TRAF5: variants seen among roughly 807,000 people sequenced by gnomAD.
TRAF5 encodes TNF receptor associated factor 5, also known as TNF receptor-associated factor 5.
Under a neutral mutation model 64.5 loss-of-function variants are expected in TRAF5, and 48 were observed. That is an observed-to-expected ratio of 0.74 (90% CI 0.59 to 0.95). The LOEUF (loss-of-function observed/expected upper bound fraction) is 0.95, where lower values mean the gene tolerates loss of function less well. TRAF5 is among the 40% of genes least tolerant of loss of function. TRAF5 has a pLI of 0.00. For synonymous variants in TRAF5, 206 were observed against 240.5 expected, an observed-to-expected ratio of 0.86 and a Z score of 1.33; for missense variants, 545 against 662.8, an observed-to-expected ratio of 0.82 and a Z score of 1.95.
intron 1 of TRAF5, among the ~76,000 whole-genome samples, chr1:211,333,618 C>T (rs1038390308): frequency 9.2e-5 from 14 of 152,192 alleles, no homozygotes; most frequent in African/African-American, 3.4e-4. Flanking sequence ...TCACCTCAGC[C>T]CCCCGAGTAG....
chr1:211,344,118 T>C (rs1270753222), intron 1 of TRAF5, among the ~76,000 whole-genome samples: 6 of 152,170 alleles, frequency 3.9e-5, no homozygotes, highest in Non-Finnish European at 7.4e-5. Flanking sequence ...AAGGCATCTC[T>C]GTAAGTGGGA....
Position 211,372,594 on chromosome 1 carries a change from C to T in TRAF5, c.1566C>T (p.Pro522=). The change falls in exon 11 of 11, where the codon CCC becomes CCT. Residue 522 remains proline, a synonymous_variant. Transcript: ENST00000261464. ...DGEMNIASGC[P]RFVAHSVLEN... The stretch of plus-strand genomic sequence containing the variant: ...AGATGAACATTGCATCTGGCTGTCC[C>T]CGCTTTGTGGCTCATTCTGTTTTGG... 2 of 1,614,164 alleles carry T rather than the reference C, an allele frequency of 1.2e-6. No individual in the cohort carries two copies. Among genetic ancestry groups the T allele is most frequent in the African/African-American group, 1.3e-5 (1 of 75,032 alleles).
Position 211,372,821 on chromosome 1 carries a change from T to A in TRAF5, c.*119T>A. On this transcript the variant is annotated 3_prime_UTR_variant, in exon 11 of 11. Coordinates refer to ENST00000261464, the MANE Select transcript of TRAF5 (RefSeq NM_001033910.3). ...GCACATTTGTATTTGCCTTTTTCCTTAACGTTTGAAGTCAGTTTAAAACTT... is the reference window on the plus strand; with the variant it reads ...GCACATTTGTATTTGCCTTTTTCCTAAACGTTTGAAGTCAGTTTAAAACTT... 2.1e-6 allele frequency: 2 copies of A among 948,720 alleles called. No individual in the cohort carries two copies. Among genetic ancestry groups the A allele is most frequent in the Non-Finnish European group, 3.1e-6 (2 of 636,594 alleles). 58.8% of individuals were successfully genotyped at this position (948,720 alleles called of 1,614,324 possible).
At chr1:211,351,056 G>A (rs1309964228) in intron 1 of TRAF5, among the ~76,000 whole-genome samples, 11 of 111,986 alleles carry the variant, frequency 9.8e-5, no homozygotes, top group African/African-American at 1.3e-4. Flanking sequence ...TTTTTGAGAC[G>A]GAGTCTTGCT....
Position 211,372,298 on chromosome 1 carries a change from C to T in TRAF5, c.1270C>T (p.His424Tyr), listed in dbSNP as rs1266488245. 1 of 1,613,922 alleles carries T rather than the reference C, an allele frequency of 6.2e-7. No homozygotes were observed. The highest frequency in any genetic ancestry group is 1.3e-5 in the African/African-American group (1 of 74,850). The change falls in exon 11 of 11, where the codon CAC becomes TAC. Residue 424 changes from histidine (H) to tyrosine (Y), a missense_variant. Coordinates refer to ENST00000261464, the MANE Select transcript of TRAF5 (RefSeq NM_001033910.3). ...KMKKREAVDG[H>Y]TVSIFSQSFY... is the part of the protein sequence containing the mutation. The stretch of plus-strand genomic sequence containing the variant: ...GAAGAAGAGAGAGGCGGTGGATGGG[C>T]ACACAGTGTCCATCTTCAGCCAGTC...
At chr1:211,330,763 G>A (rs747328170) in intron 1 of TRAF5, among the ~76,000 whole-genome samples, 4 of 152,198 alleles carry the variant, frequency 2.6e-5, no homozygotes, top group East Asian at 1.9e-4. Flanking sequence ...TTGCTACACC[G>A]TCCCCACCAG....
intron 8 of TRAF5, 66 bp downstream of exon 8, chr1:211,365,534 C>T: frequency 1.5e-6 from 2 of 1,307,808 alleles, no homozygotes; most frequent in South Asian, 2.6e-5. Flanking sequence ...CTGCTCTATG[C>T]TGGTATTTTT....
Position 211,372,542 on chromosome 1 carries a change from G to A in TRAF5, c.1514G>A (p.Ser505Asn). The A allele has an allele frequency of 3.1e-6, 5 of 1,614,194 alleles. No individual in the cohort carries two copies. Among genetic ancestry groups the A allele is most frequent in the Non-Finnish European group, 4.2e-6 (5 of 1,180,028 alleles). The change falls in exon 11 of 11, where the codon AGC (serine) becomes AAC (asparagine). Residue 505 changes from serine (S) to asparagine (N), a missense_variant. Physicochemically the swap from Ser to Asn is conservative, Grantham distance 46 (BLOSUM62 1). Transcript: ENST00000261464. ...IMETFKPDPN[S>N]SSFKRPDGEM... The stretch of plus-strand genomic sequence containing the variant: ...GAGACCTTCAAACCTGACCCCAATA[G>A]CAGCAGCTTTAAAAGACCTGATGGG...
chr1:211,372,467 A>G lies in TRAF5; in HGVS notation c.1439A>G (p.Gln480Arg), dbSNP rs759328690. The change falls in exon 11 of 11, where the codon CAG becomes CGG. Residue 480 changes from glutamine to arginine, a missense_variant. Coordinates refer to ENST00000261464, the MANE Select transcript of TRAF5 (RefSeq NM_001033910.3). ...FDSLLQWPFR[Q>R]RVTLMLLDQS... ...TCACTGTTGCAGTGGCCATTCAGGC[A>G]GAGGGTGACCCTGATGCTTCTGGAC... The G allele has an allele frequency of 2.5e-6, 4 of 1,614,188 alleles. No individual in the cohort carries two copies. In the South Asian group the frequency reaches 4.4e-5, roughly 18 times the overall value.
At chr1:211,356,842 G>T (rs1186707256) in intron 4 of TRAF5, 3 of 172,722 alleles carry the variant, frequency 1.7e-5, no homozygotes, top group Non-Finnish European at 3.7e-5. Flanking sequence ...ACACAATTGT[G>T]AGGTCCTTCC....
At position 211,326,858 on chromosome 1, in the gene TRAF5, C is replaced by T. The variant is rs937728323; in HGVS notation, c.-33C>T. On this transcript the variant is annotated 5_prime_UTR_variant, in exon 1 of 11. Transcript: ENST00000261464. This position sits in a 1 kb window ranked among gnomAD's most constrained non-coding sequence, Gnocchi z 5.0. ...AGGAGCAGCAGCCGCGCCTGCAGAC[C>T]GGCCTCGCGGAGCCCGCGCGCCGAG... 2.0e-6 allele frequency: 2 copies of T among 984,814 alleles called. No homozygotes were observed. Among genetic ancestry groups the T allele is most frequent in the African/African-American group, 3.5e-5 (2 of 57,070 alleles). The allele number at this position is 984,814 out of a possible 1,614,324, so 61.0% of individuals were successfully genotyped here. A position where few individuals can be genotyped will look rare whatever the true frequency, so the allele number is the denominator to read the frequency against.
intron 1 of TRAF5, among the ~76,000 whole-genome samples, chr1:211,338,447 C>T (rs897888261): frequency 1.3e-5 from 2 of 152,166 alleles, no homozygotes; most frequent in African/African-American, 4.8e-5. Flanking sequence ...TCCTCCACTC[C>T]CATAATACAA....
At chr1:211,329,375 A>T (rs1702101179) in intron 1 of TRAF5, among the ~76,000 whole-genome samples, 1 of 152,194 alleles carries the variant, frequency 6.6e-6, no homozygotes, top group Non-Finnish European at 1.5e-5. Context: ...TCCAGAAATT[A>T]GAATAACACT....
chr1:211,359,730 GCC>G, intron 4 of TRAF5, 180 bp from the exon 5 acceptor site: 1 of 580,854 alleles, frequency 1.7e-6, no homozygotes, highest in East Asian at 2.9e-5. Context: ...CCCTCCCCAT[GCC>G]CTCTCCTCAG....
chr1:211,364,549 G>A (rs1703285874), intron 7 of TRAF5, among the ~76,000 whole-genome samples: 1 of 152,044 alleles, frequency 6.6e-6, no homozygotes, highest in Admixed American at 6.6e-5. Flanking sequence ...AGCCAGGCAT[G>A]GTGGCATGTG....
rs368291142 is a variant in TRAF5, at chr1:211,361,744, T to C, written c.696+582T>C. Among the ~76,000 whole-genome samples, 757 of 129,516 alleles carry C rather than the reference T, an allele frequency of 5.8e-3. 3 individuals are homozygous for C. Among genetic ancestry groups the C allele is most frequent in the African/African-American group, 0.021 (726 of 34,642 alleles). The allele number at this position is 129,516 out of a possible 152,430, so 85.0% of individuals were successfully genotyped here. A position where few individuals can be genotyped will look rare whatever the true frequency, so the allele number is the denominator to read the frequency against. ...GACAGAGTCTTGCTCTGTCACAGGCTGGAGTGCAGTGGCATGATCTCGGCT... is the reference window on the plus strand; with the variant it reads ...GACAGAGTCTTGCTCTGTCACAGGCCGGAGTGCAGTGGCATGATCTCGGCT... On this transcript the variant is annotated intron_variant, in intron 7 of 10. Coordinates refer to ENST00000261464, the MANE Select transcript of TRAF5 (RefSeq NM_001033910.3).
chr1:211,359,760 A>G, intron 4 of TRAF5, 152 bp from the exon 5 acceptor site: 1 of 753,128 alleles, frequency 1.3e-6, no homozygotes, highest in South Asian at 2.0e-5. Flanking sequence ...AGTGGGCAGC[A>G]TCCCCTGAGA....
intron 1 of TRAF5, among the ~76,000 whole-genome samples, chr1:211,340,375 CTT>C (rs1702414409): frequency 6.6e-6 from 1 of 152,180 alleles, no homozygotes; most frequent in Admixed American, 6.5e-5. Flanking sequence ...ACTTCCGCCT[CTT>C]GGGTTCAAGT....
chr1:211,361,023 C>A, intron 6 of TRAF5, 65 bp from the exon 7 acceptor site: 1 of 1,529,796 alleles, frequency 6.5e-7, no homozygotes, highest in South Asian at 1.1e-5. Flanking sequence ...ACTCTTGGCT[C>A]CCTGATTGCT....
Sources: gnomAD v4.1 joint callset for allele counts (sites outside exome capture counted in the v4.1 genomes callset) on GRCh38, gnomAD v4.1.1 for gene constraint, Gnocchi (gnomAD v3.1) non-coding constraint, MANE v1.5 for transcripts, NCBI Gene and HGNC (gene_info 2026-07-23, HGNC 2026-07-21) for gene names.